The following SGCZ variants were observed in gnomAD, a reference collection of about 807,000 sequenced individuals.
SGCZ encodes the protein sarcoglycan zeta, also known as zeta-sarcoglycan.
Under a neutral mutation model 41.3 loss-of-function variants are expected in SGCZ, and 40 were observed. That is an observed-to-expected ratio of 0.97 (90% CI 0.75 to 1.26). The LOEUF is 1.26. Ranked by LOEUF, SGCZ falls within the 50% of genes most tolerant of loss-of-function variation. The pLI is 0.00. For synonymous variants in SGCZ, 206 were observed against 137.5 expected (o/e 1.50, Z -3.49); for missense variants, 552 against 369.8 (o/e 1.49, Z -4.04).
Position 14,363,657 on chromosome 8 carries a change from T to G in SGCZ, c.235-39453A>C, listed in dbSNP as rs191498115. On this transcript the variant is annotated intron_variant, in intron 2 of 7. Coordinates refer to ENST00000382080, the MANE Select transcript of SGCZ (RefSeq NM_139167.4). ...GAAAAAGTAAGGAGCATTCAATCCTTTATTCAGTTTTATTCAGTTAACAGT... is the reference window on the plus strand; with the variant it reads ...GAAAAAGTAAGGAGCATTCAATCCTGTATTCAGTTTTATTCAGTTAACAGT... 1.9e-3 allele frequency among the ~76,000 whole-genome samples: 288 copies of G among 152,284 alleles called. 1 individual carries two copies. The highest frequency in any genetic ancestry group is 6.8e-3 in the African/African-American group (283 of 41,566).
chr8:15,163,468 C>T (rs1292070436), intron 1 of SGCZ, among the ~76,000 whole-genome samples: 1 of 152,178 alleles, frequency 6.6e-6, no homozygotes, highest in Admixed American at 6.5e-5. Context: ...CGACTTCACT[C>T]ATTTCCCTTC....
intron 1 of SGCZ, among the ~76,000 whole-genome samples, chr8:14,903,157 T>G (rs2130763609): frequency 6.6e-6 from 1 of 152,198 alleles, no homozygotes; most frequent in Admixed American, 6.5e-5. Context: ...ATCATCTGCC[T>G]CAATGACTAT....
intron 3 of SGCZ, among the ~76,000 whole-genome samples, chr8:14,304,094 G>A (rs1801277731): frequency 6.6e-6 from 1 of 151,960 alleles, no homozygotes; most frequent in African/African-American, 2.4e-5. Flanking sequence ...TGTGAAAAAA[G>A]GAATGATGAA....
intron 2 of SGCZ, among the ~76,000 whole-genome samples, chr8:14,432,328 T>G (rs180753852): frequency 6.6e-6 from 1 of 152,156 alleles, no homozygotes; most frequent in African/African-American, 2.4e-5. Flanking sequence ...TACATACATA[T>G]GATGGAATAC....
At chr8:15,195,589 G>C (rs1393649038) in intron 1 of SGCZ, among the ~76,000 whole-genome samples, 1 of 152,166 alleles carries the variant, frequency 6.6e-6, no homozygotes, top group South Asian at 2.1e-4. Context: ...TTGGTGACAA[G>C]AGTCCGTGCC....
chr8:14,789,007 A>G (rs1370018007), intron 1 of SGCZ, among the ~76,000 whole-genome samples: 1 of 152,162 alleles, frequency 6.6e-6, no homozygotes, highest in Non-Finnish European at 1.5e-5. Flanking sequence ...CTTCTGTTCG[A>G]AAACACCTTA....
rs992124504 is a variant in SGCZ at position 14,427,309 on chromosome 8, C to T, written c.235-103105G>A. On this transcript the variant is annotated intron_variant, in intron 2 of 7. Transcript: ENST00000382080. ...ACATAAGTTTACCTGTGTGGCAAAC[C>T]TACACATGTACCCCTGAACTTAAAA... is the stretch of plus-strand genomic sequence containing the variant. 5.3e-5 allele frequency among the ~76,000 whole-genome samples: 8 copies of T among 152,012 alleles called. No homozygotes were observed. The East Asian group carries it at 1.4e-3, about 26-fold the overall frequency.
chr8:14,336,930 C>T (rs150373111), intron 2 of SGCZ, among the ~76,000 whole-genome samples: 61 of 152,274 alleles, frequency 4.0e-4, no homozygotes, highest in African/African-American at 1.3e-3. Flanking sequence ...CCACATCCCA[C>T]ACACTTGTTT....
At chr8:14,461,049 C>T (rs1384383079) in intron 2 of SGCZ, among the ~76,000 whole-genome samples, 2 of 152,004 alleles carry the variant, frequency 1.3e-5, no homozygotes, top group Non-Finnish European at 1.5e-5. Context: ...AAGCACCACA[C>T]CACCCTGAGA....
intron 3 of SGCZ, among the ~76,000 whole-genome samples, chr8:14,282,951 G>A (rs1006676101): frequency 7.1e-6 from 1 of 141,288 alleles, no homozygotes; most frequent in Non-Finnish European, 1.5e-5. Flanking sequence ...CAGGGTTCAC[G>A]CCATTCTCCT....
intron 1 of SGCZ, among the ~76,000 whole-genome samples, chr8:14,627,090 T>G (rs982281779): frequency 2.6e-5 from 4 of 152,280 alleles, no homozygotes; most frequent in African/African-American, 7.2e-5. Context: ...GTAATGCCAT[T>G]TAGAAAATAA....
At chr8:14,405,444 G>C (rs1172942892) in intron 2 of SGCZ, among the ~76,000 whole-genome samples, 1 of 152,210 alleles carries the variant, frequency 6.6e-6, no homozygotes, top group Middle Eastern at 3.4e-3. Context: ...CTTCTGAACT[G>C]TTTTTATTAT....
At chr8:14,681,324 C>A (rs1471591828) in intron 1 of SGCZ, among the ~76,000 whole-genome samples, 1 of 152,042 alleles carries the variant, frequency 6.6e-6, no homozygotes, top group Non-Finnish European at 1.5e-5. Context: ...CAATGAAGTG[C>A]CATATCTAAT....
intron 1 of SGCZ, among the ~76,000 whole-genome samples, chr8:15,231,038 T>A (rs1209593700): frequency 6.6e-6 from 1 of 152,150 alleles, no homozygotes; most frequent in African/African-American, 2.4e-5. Flanking sequence ...ACAAATGAAT[T>A]TCCTCAAACA....
chr8:14,349,214 C>T (rs1436779730), intron 2 of SGCZ, among the ~76,000 whole-genome samples: 1 of 152,052 alleles, frequency 6.6e-6, no homozygotes. Context: ...TTCGCATTAC[C>T]AAAATCGGTT....
intron 1 of SGCZ, among the ~76,000 whole-genome samples, chr8:15,161,449 T>C (rs1799509671): frequency 6.6e-6 from 1 of 152,310 alleles, no homozygotes. Flanking sequence ...CCTCAATTTT[T>C]CACCATCAGG....
intron 1 of SGCZ, among the ~76,000 whole-genome samples, chr8:14,966,444 T>G (rs1399369424): frequency 1.3e-5 from 2 of 151,896 alleles, no homozygotes; most frequent in South Asian, 4.1e-4. Flanking sequence ...TTCTTAAAAG[T>G]GATTAACTCT....
At chr8:14,808,300 C>A (rs1042190597) in intron 1 of SGCZ, among the ~76,000 whole-genome samples, 6 of 151,976 alleles carry the variant, frequency 3.9e-5, no homozygotes, top group South Asian at 4.2e-4. Context: ...AGGCAACCTA[C>A]AAAATGGGAG....
chr8:15,222,753 C>T (rs1409212880), intron 1 of SGCZ, among the ~76,000 whole-genome samples: 1 of 151,824 alleles, frequency 6.6e-6, no homozygotes, highest in Non-Finnish European at 1.5e-5. Context: ...AGCTTAAACA[C>T]AGAGTGTGTG....
Sources: allele counts gnomAD v4.1 joint callset (sites outside exome capture counted in the v4.1 genomes callset), GRCh38; gene constraint gnomAD v4.1.1; transcripts MANE v1.5; gene names NCBI Gene and HGNC (gene_info 2026-07-23, HGNC 2026-07-21).